THOC2: variants seen among roughly 807,000 people sequenced by gnomAD.
THOC2 encodes the protein THO complex 2.
THOC2 carries 10 observed loss-of-function variants against 128.4 expected under a neutral mutation model. That is an observed-to-expected ratio of 0.08 (90% CI 0.05 to 0.13). The LOEUF (loss-of-function observed/expected upper bound fraction) is 0.13, where lower values mean the gene tolerates loss of function less well. Ranked by LOEUF, THOC2 falls within the 10% of genes least tolerant of loss-of-function variation. The probability of loss-of-function intolerance (pLI) is 1.00; values close to 1 mark genes in which losing one functional copy is unlikely to be tolerated. For synonymous variants in THOC2, 393 were observed against 396.9 expected (o/e 0.99, Z 0.12); for missense variants, 535 against 1,155.7 (o/e 0.46, Z 7.79).
At chrX:123,706,405 T>C (rs747968458) in intron 3 of THOC2, among the ~76,000 whole-genome samples, 1 of 110,977 alleles carries the variant, frequency 9.0e-6, no homozygotes, top group Non-Finnish European at 1.9e-5. Context: ...AGTTCTAGGG[T>C]ACATGTGCAC....
chrX:123,705,105 C>T (rs2050872538), intron 3 of THOC2, among the ~76,000 whole-genome samples: 1 of 111,255 alleles, frequency 9.0e-6, no homozygotes, highest in Non-Finnish European at 1.9e-5. Flanking sequence ...TGCAAGGAGA[C>T]GCACAAGTTA....
In THOC2 at chrX:123,710,140, C is replaced by A. The variant is rs771314546; in HGVS notation, c.130+2710G>T. 1.3e-4 allele frequency among the ~76,000 whole-genome samples: 15 copies of A among 111,949 alleles called. No individual in the cohort carries two copies. In the South Asian group the frequency reaches 5.6e-3, roughly 42 times the overall value. On this transcript the variant is annotated intron_variant, in intron 2 of 38. Transcript: ENST00000245838. Reference sequence around the variant, plus strand: ...AACAAACTGGAGCCCCTCAAACCAACGCCTGCCTGTTGACAGAGATCAGCC... The same window carrying A: ...AACAAACTGGAGCCCCTCAAACCAAAGCCTGCCTGTTGACAGAGATCAGCC...
intron 2 of THOC2, 138 bp from the exon 3 acceptor site, chrX:123,707,087 TTTTTC>T (rs2050964807): frequency 1.3e-5 from 4 of 306,709 alleles, no homozygotes; most frequent in Non-Finnish European, 2.2e-5. Context: ...CTCTAGCAAT[TTTTTC>T]TTTTATTTTC....
intron 5 of THOC2, 68 bp from the exon 6 acceptor site, chrX:123,696,910 A>G (rs769091260): frequency 1.4e-4 from 114 of 837,480 alleles, no homozygotes; most frequent in Non-Finnish European, 1.7e-4. Context: ...ATATATTCAA[A>G]CTAAAGCTTC....
At chrX:123,721,679 G>C (rs1478401489) in intron 1 of THOC2, among the ~76,000 whole-genome samples, 1 of 108,007 alleles carries the variant, frequency 9.3e-6, no homozygotes, top group Non-Finnish European at 1.9e-5. Flanking sequence ...CCAGCTACTC[G>C]GGAGCCTGAG....
chrX:123,605,964 G>A (rs2046451992), intron 38 of THOC2, among the ~76,000 whole-genome samples: 1 of 111,365 alleles, frequency 9.0e-6, no homozygotes. Context: ...CTATTCTAAA[G>A]GGGGGCAGCA....
Position 123,637,760 on chromosome X carries a change from G to GA in THOC2, c.1921+282dup, listed in dbSNP as rs1043219180. ...GGATGACAGAGTGAGACTCCATCTC[G>GA]AAAAAAAAATAAAATAAAAAGAAGG... On this transcript the variant is annotated intron_variant, in intron 18 of 38. Transcript: ENST00000245838. Among the ~76,000 whole-genome samples, 20 of 107,273 alleles carry GA rather than the reference G, an allele frequency of 1.9e-4. No individual in the cohort carries two copies. In the East Asian group the frequency reaches 3.5e-3, roughly 19 times the overall value. 93.2% of individuals were successfully genotyped at this position (107,273 alleles called of 115,157 possible). A position where few individuals can be genotyped will look rare whatever the true frequency, so the allele number is the denominator to read the frequency against.
chrX:123,637,043 T>C (rs1284297201), intron 18 of THOC2, among the ~76,000 whole-genome samples: 2 of 111,046 alleles, frequency 1.8e-5, no homozygotes, highest in Admixed American at 1.9e-4. Context: ...AAACAGAACA[T>C]GGAGTGGGCC....
chrX:123,671,828 T>A, intron 8 of THOC2, 67 bp from the exon 9 acceptor site: 1 of 602,867 alleles, frequency 1.7e-6, no homozygotes, highest in Non-Finnish European at 2.6e-6. Flanking sequence ...ATCCTTCACC[T>A]ACCAATAACT....
At chrX:123,626,840 T>C (rs1314124501) in intron 23 of THOC2, among the ~76,000 whole-genome samples, 178 bp from the exon 24 acceptor site, 1 of 112,091 alleles carries the variant, frequency 8.9e-6, no homozygotes, top group Non-Finnish European at 1.9e-5. Flanking sequence ...TGTCATGGCA[T>C]CTTCATACAC....
At chrX:123,638,758 T>A (rs57417023) in intron 17 of THOC2, among the ~76,000 whole-genome samples, 176 bp downstream of exon 17, 3 of 102,661 alleles carry the variant, frequency 2.9e-5, no homozygotes, top group African/African-American at 1.1e-4. Context: ...ACACTCTCTC[T>A]CTCTCTCACA....
intron 22 of THOC2, among the ~76,000 whole-genome samples, chrX:123,630,212 A>G (rs185655126): frequency 2.1e-4 from 24 of 112,443 alleles, no homozygotes; most frequent in African/African-American, 7.4e-4. Context: ...ATGAAGAGAC[A>G]TAACAGTTCT....
At chrX:123,716,571 AAAAC>A (rs1351436244) in intron 1 of THOC2, among the ~76,000 whole-genome samples, 5 of 109,962 alleles carry the variant, frequency 4.5e-5, no homozygotes, top group African/African-American at 1.7e-4. Flanking sequence ...TAAAAATACA[AAAAC>A]AAAATTAGCC....
At chrX:123,668,413 G>GTT in intron 9 of THOC2, 99 bp from the exon 10 acceptor site, 1 of 528,232 alleles carries the variant, frequency 1.9e-6, no homozygotes, top group Non-Finnish European at 2.8e-6. Flanking sequence ...CTATAAATAA[G>GTT]AAGTCTAACT....
chrX:123,613,501 C>G lies in THOC2; in HGVS notation c.4575G>C (p.Glu1525Asp), dbSNP rs773665388. 8.3e-7 allele frequency: 1 copy of G among 1,209,294 alleles called. No individual in the cohort carries two copies. Among genetic ancestry groups the G allele is most frequent in the Non-Finnish European group, 1.1e-6 (1 of 894,242 alleles). The change falls in exon 36 of 39, where the codon GAG (glutamate) becomes GAC (aspartate). Residue 1525 changes from glutamate to aspartate, a missense_variant. By Grantham distance (45) the Glu-to-Asp change is conservative. Transcript: ENST00000245838. Reference sequence around the variant, plus strand: ...TTGACTTATTTTTTTCCTTGTCTTTCTCATTTGGATAAGGAGATTCACAAG... The same window carrying G: ...TTGACTTATTTTTTTCCTTGTCTTTGTCATTTGGATAAGGAGATTCACAAG... Reference protein sequence around the residue: ...ESPCESPYPNEKDKEKNKSKS... With the variant: ...ESPCESPYPNDKDKEKNKSKS...
chrX:123,654,114 A>G (rs1265255642), intron 12 of THOC2, among the ~76,000 whole-genome samples: 1 of 111,129 alleles, frequency 9.0e-6, no homozygotes, highest in Non-Finnish European at 1.9e-5. Flanking sequence ...AGGGACATGG[A>G]TGAAGCTGGA....
intron 33 of THOC2, among the ~76,000 whole-genome samples, chrX:123,615,989 C>G (rs1015586459): frequency 8.1e-5 from 9 of 111,089 alleles, no homozygotes; most frequent in African/African-American, 2.9e-4. Flanking sequence ...ACAATTATAT[C>G]CTGCTATAGT....
chrX:123,633,428 C>G (rs1220517078), intron 20 of THOC2, among the ~76,000 whole-genome samples: 1 of 111,356 alleles, frequency 9.0e-6, no homozygotes, highest in Non-Finnish European at 1.9e-5. Flanking sequence ...TTTGAGACAG[C>G]ATCTCACTGT....
At chrX:123,641,719 A>T (rs2047920514) in intron 15 of THOC2, among the ~76,000 whole-genome samples, 1 of 111,369 alleles carries the variant, frequency 9.0e-6, no homozygotes. Flanking sequence ...AACAAACAAA[A>T]ATTAAAGAAA....
Sources: allele counts gnomAD v4.1 joint callset (sites outside exome capture counted in the v4.1 genomes callset), GRCh38; gene constraint gnomAD v4.1.1; transcripts MANE v1.5; gene names NCBI Gene and HGNC (gene_info 2026-07-23, HGNC 2026-07-21).